The following STXBP4 variants were observed in gnomAD, a reference collection of about 807,000 sequenced individuals.
STXBP4 encodes syntaxin-binding protein 4.
Under a neutral mutation model 76.1 loss-of-function variants are expected in STXBP4, and 55 were observed. The ratio of observed to expected loss-of-function variants is 0.72; its 90% confidence interval spans 0.58 to 0.91. STXBP4 has a LOEUF of 0.91. STXBP4 is among the 40% of genes least tolerant of loss of function. The pLI, the probability that STXBP4 is intolerant of heterozygous loss-of-function variation, is 0.00. For synonymous variants in STXBP4, 201 were observed against 220.2 expected, an observed-to-expected ratio of 0.91 and a Z score of 0.77; for missense variants, 618 against 636.9, an observed-to-expected ratio of 0.97 and a Z score of 0.32.
At position 54,973,197 on chromosome 17, in the gene STXBP4, C is replaced by A. The variant is rs1276347710; in HGVS notation, c.-157+4382C>A. 2.6e-5 allele frequency among the ~76,000 whole-genome samples: 4 copies of A among 152,260 alleles called. No homozygotes were observed. In the South Asian group the frequency reaches 6.2e-4, roughly 24 times the overall value. ...AGAATGATGAGTTAACTTGTCCAAG[C>A]CTAATCGGTTGGGTAGTGGCAGAGC... On this transcript the variant is annotated intron_variant, in intron 1 of 17. Coordinates refer to ENST00000376352, the MANE Select transcript of STXBP4 (RefSeq NM_178509.6).
At chr17:55,089,079 G>C (rs946937951) in intron 16 of STXBP4, among the ~76,000 whole-genome samples, 2 of 152,108 alleles carry the variant, frequency 1.3e-5, no homozygotes, top group African/African-American at 4.8e-5. Flanking sequence ...GTCTGTTTTT[G>C]CATATAAAAA....
At chr17:54,983,427 C>G (rs1050024452) in intron 1 of STXBP4, among the ~76,000 whole-genome samples, 2 of 152,114 alleles carry the variant, frequency 1.3e-5, no homozygotes, top group South Asian at 2.1e-4. Context: ...AACAACTCAC[C>G]AAAGATGAGG....
the STXBP4 span, among the ~76,000 whole-genome samples, chr17:55,205,033 C>A: frequency 1.3e-5 from 2 of 152,052 alleles, no homozygotes; most frequent in South Asian, 2.1e-4. Flanking sequence ...TTTGTCTAAA[C>A]AAATTAGCTT....
At chr17:55,053,582 A>G (rs1314613928) in intron 12 of STXBP4, among the ~76,000 whole-genome samples, 1 of 152,176 alleles carries the variant, frequency 6.6e-6, no homozygotes, top group Non-Finnish European at 1.5e-5. Context: ...TATTCTTTAT[A>G]CTATTCTTGC....
chr17:55,136,374 T>C (rs570920461), intron 16 of STXBP4, among the ~76,000 whole-genome samples: 83 of 152,198 alleles, frequency 5.5e-4, no homozygotes, highest in African/African-American at 2.0e-3. Flanking sequence ...TTGCAAGAAC[T>C]TTGTGAGCCA....
At chr17:55,073,113 T>G in intron 13 of STXBP4, 37 bp downstream of exon 13, 1 of 1,594,544 alleles carries the variant, frequency 6.3e-7, no homozygotes, top group Non-Finnish European at 8.6e-7. Context: ...TTACCATGGT[T>G]TCCTTGCCGT....
chr17:55,136,006 T>C (rs1261534209), intron 16 of STXBP4, among the ~76,000 whole-genome samples: 1 of 152,166 alleles, frequency 6.6e-6, no homozygotes, highest in Admixed American at 6.6e-5. Flanking sequence ...CTATCAGCAG[T>C]GTGACAATGG....
At chr17:55,006,363 A>G (rs2078007668) in intron 7 of STXBP4, among the ~76,000 whole-genome samples, 1 of 152,296 alleles carries the variant, frequency 6.6e-6, no homozygotes, top group African/African-American at 2.4e-5. Flanking sequence ...GAGAAATTTT[A>G]AAAAATTAAA....
intron 3 of STXBP4, 144 bp from the exon 4 acceptor site, chr17:54,990,681 C>T: frequency 2.2e-6 from 2 of 918,410 alleles, no homozygotes; most frequent in Non-Finnish European, 3.1e-6. Flanking sequence ...GAAAAATTGT[C>T]TTCCATGAAA....
chr17:55,037,592 G>C (rs1197808822), intron 10 of STXBP4, among the ~76,000 whole-genome samples: 1 of 152,006 alleles, frequency 6.6e-6, no homozygotes, highest in Non-Finnish European at 1.5e-5. Context: ...CAATAATTCT[G>C]ACATGTCAAT....
chr17:55,119,114 G>T (rs2079815740), intron 16 of STXBP4, among the ~76,000 whole-genome samples: 1 of 151,934 alleles, frequency 6.6e-6, no homozygotes, highest in Middle Eastern at 3.4e-3. Flanking sequence ...TAACCCACTT[G>T]CCAGATTAGC....
intron 10 of STXBP4, among the ~76,000 whole-genome samples, chr17:55,038,696 A>G (rs1474489747): frequency 6.8e-6 from 1 of 146,038 alleles, no homozygotes; most frequent in African/African-American, 2.8e-5. Flanking sequence ...ATTTAGCACT[A>G]CTCTAAACCT....
intron 4 of STXBP4, among the ~76,000 whole-genome samples, chr17:54,998,291 C>T (rs1198545445): frequency 6.6e-6 from 1 of 152,132 alleles, no homozygotes; most frequent in Non-Finnish European, 1.5e-5. Context: ...GTGAAAATCT[C>T]CCTTTTTAAC....
chr17:55,008,233 G>A (rs1348056444), intron 8 of STXBP4, among the ~76,000 whole-genome samples: 1 of 151,690 alleles, frequency 6.6e-6, no homozygotes, highest in Admixed American at 6.6e-5. Flanking sequence ...GATGTAAAAT[G>A]GATATACTGC....
chr17:55,110,946 G>A (rs894084255), intron 16 of STXBP4, among the ~76,000 whole-genome samples: 1 of 152,228 alleles, frequency 6.6e-6, no homozygotes, highest in African/African-American at 2.4e-5. Flanking sequence ...CAAGAAATGA[G>A]TAGACTCATA....
At chr17:55,210,530 C>T in the STXBP4 span, among the ~76,000 whole-genome samples, 2 of 152,150 alleles carry the variant, frequency 1.3e-5, no homozygotes, top group African/African-American at 4.8e-5. Context: ...AGAGAAATAA[C>T]AAATGCCACA....
At chr17:55,138,058 CTTA>C (rs2080055019) in intron 16 of STXBP4, among the ~76,000 whole-genome samples, 1 of 151,998 alleles carries the variant, frequency 6.6e-6, no homozygotes, top group Non-Finnish European at 1.5e-5. Flanking sequence ...TGTTATTAAT[CTTA>C]TTATCGATTT....
At chr17:55,102,762 A>G (rs1431125463) in intron 16 of STXBP4, among the ~76,000 whole-genome samples, 1 of 152,124 alleles carries the variant, frequency 6.6e-6, no homozygotes, top group African/African-American at 2.4e-5. Flanking sequence ...AAGTGTTCCT[A>G]TTTCTTCATA....
At chr17:55,038,427 T>C (rs2078641615) in intron 10 of STXBP4, among the ~76,000 whole-genome samples, 1 of 152,178 alleles carries the variant, frequency 6.6e-6, no homozygotes, top group African/African-American at 2.4e-5. Context: ...AACTTGCTGC[T>C]TTTCCTCATT....
Sources: gnomAD v4.1 joint callset for allele counts (sites outside exome capture counted in the v4.1 genomes callset) on GRCh38, gnomAD v4.1.1 for gene constraint, MANE v1.5 for transcripts, NCBI Gene and HGNC (gene_info 2026-07-23, HGNC 2026-07-21) for gene names.